Variants in SAMD5 observed in about 807,000 individuals in gnomAD.
SAMD5 encodes the protein sterile alpha motif domain containing 5.
In SAMD5, 13 loss-of-function variants were observed where a neutral mutation model predicts 11.3. The observed-to-expected ratio is 1.15, with a 90% CI of 0.75 to 1.83. SAMD5 has a LOEUF of 1.83. Ranked by LOEUF, SAMD5 falls within the 40% of genes most tolerant of loss-of-function variation. SAMD5 has a pLI of 0.00. For synonymous variants in SAMD5, 129 were observed against 111.3 expected (o/e 1.16, Z -1.00); for missense variants, 255 against 239.1 (o/e 1.07, Z -0.44).
the SAMD5 span, among the ~76,000 whole-genome samples, chr6:147,823,817 C>T: frequency 3.3e-5 from 5 of 152,032 alleles, no homozygotes; most frequent in Admixed American, 1.3e-4. Flanking sequence ...ACAGTAATGC[C>T]GACAACATTA....
the SAMD5 span, among the ~76,000 whole-genome samples, chr6:147,752,843 C>T: frequency 8.5e-5 from 13 of 152,076 alleles, no homozygotes; most frequent in Admixed American, 5.9e-4. Flanking sequence ...TAAGCATTTC[C>T]GAAAAGAAAT....
the SAMD5 span, among the ~76,000 whole-genome samples, chr6:147,903,480 G>GTCTAACA: frequency 6.6e-6 from 1 of 152,148 alleles, no homozygotes; most frequent in East Asian, 1.9e-4. Context: ...CATGGCCAAT[G>GTCTAACA]GCATCGTCTA....
At chr6:147,823,834 A>T in the SAMD5 span, among the ~76,000 whole-genome samples, 1 of 152,184 alleles carries the variant, frequency 6.6e-6, no homozygotes, top group African/African-American at 2.4e-5. Context: ...ATTAACTTAC[A>T]TTTATATATT....
At chr6:147,792,800 A>C in the SAMD5 span, among the ~76,000 whole-genome samples, 2 of 152,324 alleles carry the variant, frequency 1.3e-5, no homozygotes, top group Admixed American at 1.3e-4. Context: ...TCAAAGGAAC[A>C]CTGGGGCCAA....
At chr6:147,524,270 C>T (rs1788301733) in intron 1 of SAMD5, among the ~76,000 whole-genome samples, 1 of 152,106 alleles carries the variant, frequency 6.6e-6, no homozygotes, top group South Asian at 2.1e-4. Flanking sequence ...TGTGGCATGA[C>T]CCACTTGACC....
the SAMD5 span, among the ~76,000 whole-genome samples, chr6:147,914,536 G>A: frequency 6.6e-6 from 1 of 152,132 alleles, no homozygotes; most frequent in African/African-American, 2.4e-5. Flanking sequence ...ATTGCTTGCG[G>A]TGAACTCGGA....
At chr6:147,889,127 A>G in the SAMD5 span, among the ~76,000 whole-genome samples, 1 of 152,050 alleles carries the variant, frequency 6.6e-6, no homozygotes, top group Admixed American at 6.6e-5. Flanking sequence ...GTATTTGGTC[A>G]TTCGAAGTTG....
chr6:147,793,557 G>C, the SAMD5 span, among the ~76,000 whole-genome samples: 1 of 152,110 alleles, frequency 6.6e-6, no homozygotes, highest in African/African-American at 2.4e-5. Context: ...TATCATGCCA[G>C]TGTTCATAGA....
chr6:147,518,956 T>A (rs984449304), intron 1 of SAMD5, among the ~76,000 whole-genome samples: 4 of 152,186 alleles, frequency 2.6e-5, no homozygotes, highest in Non-Finnish European at 5.9e-5. Context: ...AAACATACAA[T>A]CTGTCTTACA....
chr6:147,922,648 C>T, the SAMD5 span, among the ~76,000 whole-genome samples: 3 of 152,138 alleles, frequency 2.0e-5, no homozygotes, highest in African/African-American at 7.2e-5. Flanking sequence ...GAATTTAAAG[C>T]TAAAAATCCA....
chr6:147,640,497 C>CAAAAAAAAAAAAAAAAA (rs1172694444), intron 1 of SAMD5, among the ~76,000 whole-genome samples: 1 of 24,190 alleles, frequency 4.1e-5, no homozygotes, highest in Non-Finnish European at 8.7e-5. Context: ...GACTCTGTCG[C>CAAAAAAAAAAAAAAAAA]AAAAAAAAAA....
chr6:147,730,366 C>T (rs1336160262), intron 1 of SAMD5: 2 of 196,408 alleles, frequency 1.0e-5, no homozygotes, highest in Non-Finnish European at 2.2e-5. Flanking sequence ...CCTACAATAA[C>T]CTCAACAACA....
Position 147,678,819 on chromosome 6 carries a change from A to G in SAMD5, c.163-58498A>G, listed in dbSNP as rs537469979. Among the ~76,000 whole-genome samples, 583 of 152,268 alleles carry G rather than the reference A, an allele frequency of 3.8e-3. 5 individuals are homozygous for G. Among genetic ancestry groups the G allele is most frequent in the Non-Finnish European group, 5.9e-3 (400 of 68,016 alleles). ...ACACCTTTAATGAGGTATACTTGTC[A>G]TACAATAAACTGCACATATTCCAAG... is the stretch of plus-strand genomic sequence containing the variant. On this transcript the variant is annotated intron_variant, in intron 1 of 1. Transcript: ENST00000566741.
intron 1 of SAMD5, among the ~76,000 whole-genome samples, chr6:147,533,812 G>C (rs1437876132): frequency 6.6e-6 from 1 of 152,138 alleles, no homozygotes; most frequent in Non-Finnish European, 1.5e-5. Flanking sequence ...TTTCTTGGGG[G>C]ACTTTAGTCT....
rs868395240 is a variant in SAMD5, at chr6:147,532,546, G to A, written c.459+23159G>A. ...TTCACTCATTGGTTATGAGCACTTA[G>A]GTTGGTTCCATATCTTTGCAATTGC... On this transcript the variant is annotated intron_variant, in intron 1 of 1. Coordinates refer to ENST00000367474, the MANE Select transcript of SAMD5 (RefSeq NM_001030060.3). Among the ~76,000 whole-genome samples the A allele has an allele frequency of 4.1e-4, 63 of 152,266 alleles. 1 individual carries two copies. Among genetic ancestry groups the A allele is most frequent in the Middle Eastern group, 3.4e-3 (1 of 294 alleles).
chr6:147,624,310 C>T (rs147954548), intron 1 of SAMD5, among the ~76,000 whole-genome samples: 528 of 152,240 alleles, frequency 3.5e-3, no homozygotes, highest in African/African-American at 0.012. Flanking sequence ...TTCCCCCACC[C>T]CACCCCCATC....
chr6:147,615,849 A>G (rs73006371), intron 1 of SAMD5, among the ~76,000 whole-genome samples: 236 of 152,342 alleles, frequency 1.5e-3, no homozygotes, highest in Middle Eastern at 3.4e-3. Context: ...ACAGTTTGAA[A>G]TATACCAAAG....
the SAMD5 span, among the ~76,000 whole-genome samples, chr6:147,796,928 A>G: frequency 1.3e-5 from 2 of 148,160 alleles, no homozygotes; most frequent in Non-Finnish European, 1.5e-5. Flanking sequence ...GTATCCTGAG[A>G]CTTTGCTGAA....
the SAMD5 span, among the ~76,000 whole-genome samples, chr6:147,820,670 C>G: frequency 6.6e-6 from 1 of 152,178 alleles, no homozygotes; most frequent in East Asian, 1.9e-4. Flanking sequence ...TCCATGTAAT[C>G]AAGTTGGGCG....
Sources: gnomAD v4.1 joint callset for allele counts (sites outside exome capture counted in the v4.1 genomes callset) on GRCh38, gnomAD v4.1.1 for gene constraint, MANE v1.5 for transcripts, NCBI Gene and HGNC (gene_info 2026-07-23, HGNC 2026-07-21) for gene names.